The following PATE1 variants were observed in gnomAD, a reference collection of about 807,000 sequenced individuals.
The protein encoded by PATE1 is prostate and testis expressed 1.
PATE1 carries 21 observed loss-of-function variants against 13.1 expected under a neutral mutation model. That is an observed-to-expected ratio of 1.61 (90% confidence interval 1.14 to 2.31). PATE1 has a LOEUF of 2.31. Among genes scored for constraint, PATE1 ranks in the 30% most tolerant of loss-of-function variants. The pLI, the probability that PATE1 is intolerant of heterozygous loss-of-function variation, is 0.00. For synonymous variants in PATE1, 52 were observed against 47.1 expected (o/e 1.10, Z -0.43); for missense variants, 166 against 147.2 (o/e 1.13, Z -0.66).
At position 125,747,808 on chromosome 11, in the gene PATE1, G is replaced by A; in HGVS notation, c.233G>A (p.Gly78Glu). The change falls in exon 4 of 5, where the codon GGA (glycine) becomes GAA (glutamate). Residue 78 changes from glycine to glutamate, a missense_variant. Physicochemically the swap from Gly to Glu is moderately conservative, Grantham distance 98 (BLOSUM62 -2). Transcript: ENST00000305738. ...TATTEEACMV[G>E]RMFKRDGNPW... The stretch of plus-strand genomic sequence containing the variant: ...ACAACAGAAGAGGCCTGCATGGTTG[G>A]AAGGATGTTCAAAAGTAAGTTGTGG... The A allele has an allele frequency of 6.2e-7, 1 of 1,613,840 alleles. No homozygotes were observed. The highest frequency in any genetic ancestry group is 8.5e-7 in the Non-Finnish European group (1 of 1,179,798).
chr11:125,748,033 C>G, intron 4 of PATE1: 1 of 633,210 alleles, frequency 1.6e-6, no homozygotes, highest in East Asian at 3.1e-5. Context: ...AAGGGATTAG[C>G]ATTTTGAGAA....
chr11:125,748,068 A>G, intron 4 of PATE1: 1 of 506,052 alleles, frequency 2.0e-6, no homozygotes, highest in Non-Finnish European at 3.5e-6. Flanking sequence ...GAGGAGAATA[A>G]ATCAAGGTAA....
chr11:125,748,712 C>T lies in PATE1; in HGVS notation c.360C>T (p.Asp120=), dbSNP rs201415841. Residue 120 remains aspartate, a synonymous_variant, in exon 5 of 5, where the codon GAC becomes GAT. Transcript: ENST00000305738. ...ACTTCAGGTGCTGCAGGAGCCATGA[C>T]CTGTGCAATGAAGACCTTTAGAAGT... The part of the protein sequence containing the change: ...LVNFRCCRSH[D]LCNEDL 8.1e-6 allele frequency: 13 copies of T among 1,613,788 alleles called. No homozygotes were observed. The Admixed American group carries it at 1.3e-4, about 17-fold the overall frequency.
Position 125,748,829 on chromosome 11 carries a change from CA to C in PATE1, c.*97del. The C allele has an allele frequency of 2.3e-5, 33 of 1,429,676 alleles. No homozygotes were observed. Among genetic ancestry groups the C allele is most frequent in the Non-Finnish European group, 3.0e-5 (31 of 1,048,310 alleles). The allele number at this position is 1,429,676 out of a possible 1,614,324, so 88.6% of individuals were successfully genotyped here. ...CTAAAAAAAATCACACACACACACA[CA>C]CACACTACAGAAGAGGATTGCAAAC... On this transcript the variant is annotated 3_prime_UTR_variant, in exon 5 of 5. Transcript: ENST00000305738.
In PATE1 at chr11:125,748,880, A is replaced by G; in HGVS notation, c.*147A>G. On this transcript the variant is annotated 3_prime_UTR_variant, in exon 5 of 5. Coordinates refer to ENST00000305738, the MANE Select transcript of PATE1 (RefSeq NM_138294.3). ...CACATGGCTCCATCTTCTGCACACG[A>G]AAGGAAAGTCCCTCTCCTTTTCTAC... 1 of 978,142 alleles carries G rather than the reference A, an allele frequency of 1.0e-6. No homozygotes were observed. Among genetic ancestry groups the G allele is most frequent in the East Asian group, 2.6e-5 (1 of 39,180 alleles). 60.6% of individuals were successfully genotyped at this position (978,142 alleles called of 1,614,324 possible). A position where few individuals can be genotyped will look rare whatever the true frequency, so the allele number is the denominator to read the frequency against.
chr11:125,747,773 A>G lies in PATE1; in HGVS notation c.198A>G (p.Ile66Met). Residue 66 changes from isoleucine (I) to methionine (M), a missense_variant, in exon 4 of 5, where the codon ATA (isoleucine) becomes ATG (methionine). Transcript: ENST00000305738. ...PGEKCSRGRG[I>M]CTATTEEACM... ...AAAAGTGCTCCAGAGGAAGAGGAAT[A>G]TGCACAGCAACAACAGAAGAGGCCT... The G allele has an allele frequency of 6.2e-7, 1 of 1,613,994 alleles. No individual in the cohort carries two copies. The highest frequency in any genetic ancestry group is 8.5e-7 in the Non-Finnish European group (1 of 1,179,876).
intron 2 of PATE1, 76 bp downstream of exon 2, chr11:125,746,772 C>T (rs1943275894): frequency 1.3e-6 from 2 of 1,538,294 alleles, no homozygotes; most frequent in Non-Finnish European, 9.0e-7. Context: ...AGGTGAGCAC[C>T]AGGGGCCAAA....
chr11:125,748,125 G>C, intron 4 of PATE1: 1 of 362,538 alleles, frequency 2.8e-6, no homozygotes, highest in Non-Finnish European at 5.1e-6. Context: ...GTGTTGTTGA[G>C]TTGTGGAGGG....
chr11:125,747,106 G>T (rs1238178254), intron 2 of PATE1, among the ~76,000 whole-genome samples: 7 of 152,148 alleles, frequency 4.6e-5, no homozygotes, highest in African/African-American at 1.7e-4. Context: ...AAAAGCAGGT[G>T]CACTTATCTT....
chr11:125,748,780 C>T lies in PATE1; in HGVS notation c.*47C>T, dbSNP rs768719129. ...CTCCAATTTCTGGGTGAGGTTGTTG[C>T]CTCAGCCTCTTCACAATGACTTTCT... is the stretch of plus-strand genomic sequence containing the variant. On this transcript the variant is annotated 3_prime_UTR_variant, in exon 5 of 5. Transcript: ENST00000305738. The T allele has an allele frequency of 1.9e-6, 3 of 1,598,582 alleles. No individual in the cohort carries two copies. The highest frequency in any genetic ancestry group is 1.4e-5 in the African/African-American group (1 of 73,752).
chr11:125,746,449 G>A, intron 1 of PATE1, 93 bp downstream of exon 1: 2 of 1,422,984 alleles, frequency 1.4e-6, no homozygotes, highest in South Asian at 2.3e-5. Flanking sequence ...GAGTCCTATG[G>A]CAACTGAAGC....
rs1170894080 is a variant in PATE1, at chr11:125,746,287, GC to G, written c.-15del. ...TCTCGAAGCTTCGTGCTGTAGCCTG[GC>G]CCTCCCTCTTTCCAAAATGGACAAG... On this transcript the variant is annotated 5_prime_UTR_variant, in exon 1 of 5. Transcript: ENST00000305738. The G allele has an allele frequency of 6.2e-7, 1 of 1,613,314 alleles. No homozygotes were observed. The highest frequency in any genetic ancestry group is 8.5e-7 in the Non-Finnish European group (1 of 1,179,470).
intron 2 of PATE1, 61 bp downstream of exon 2, chr11:125,746,757 G>T: frequency 5.7e-6 from 9 of 1,588,536 alleles, no homozygotes; most frequent in Non-Finnish European, 7.8e-6. Flanking sequence ...AAGATGAGTG[G>T]GGTGAGGTGA....
At chr11:125,747,897 G>A in intron 4 of PATE1, 75 bp downstream of exon 4, 1 of 1,589,274 alleles carries the variant, frequency 6.3e-7, no homozygotes, top group South Asian at 1.1e-5. Context: ...GGGGAAAGGA[G>A]AGATCTTACT....
Position 125,747,404 on chromosome 11 carries a change from T to A in PATE1, c.117T>A (p.Asn39Lys), listed in dbSNP as rs756277261. The A allele has an allele frequency of 2.5e-6, 4 of 1,612,538 alleles. No individual in the cohort carries two copies. In the Admixed American group the frequency reaches 5.0e-5, roughly 20 times the overall value. The change falls in exon 3 of 5, where the codon AAT becomes AAA. Residue 39 changes from asparagine to lysine, a missense_variant. Asn to Lys is a moderately conservative substitution (Grantham distance 94, BLOSUM62 0). Coordinates refer to ENST00000305738, the MANE Select transcript of PATE1 (RefSeq NM_138294.3). ...ATGAAATAGTTGCTGTGAAAAACAA[T>A]TTTCCTGGTAAGTATGAAGAGGACC... ...AVNEIVAVKNNFPVIEIVQCR... is the reference protein window; with the variant it reads ...AVNEIVAVKNKFPVIEIVQCR...
At chr11:125,746,808 G>C in intron 2 of PATE1, 112 bp downstream of exon 2, 2 of 1,080,852 alleles carry the variant, frequency 1.9e-6, no homozygotes, top group Non-Finnish European at 2.8e-6. Flanking sequence ...AATAGACCTT[G>C]AGTTCCAACA....
chr11:125,748,786 C>A lies in PATE1; in HGVS notation c.*53C>A. The A allele has an allele frequency of 6.3e-7, 1 of 1,589,056 alleles. No homozygotes were observed. The highest frequency in any genetic ancestry group is 8.6e-7 in the Non-Finnish European group (1 of 1,167,534). ...TTTCTGGGTGAGGTTGTTGCCTCAG[C>A]CTCTTCACAATGACTTTCTAAAAAA... On this transcript the variant is annotated 3_prime_UTR_variant, in exon 5 of 5. Transcript: ENST00000305738.
rs185485435 is a variant in PATE1, at chr11:125,748,904, A to G, written c.*171A>G. 3.0e-5 allele frequency: 22 copies of G among 733,990 alleles called. No homozygotes were observed. The East Asian group carries it at 5.0e-4, about 17-fold the overall frequency. 45.5% of individuals were successfully genotyped at this position (733,990 alleles called of 1,614,324 possible). A position where few individuals can be genotyped will look rare whatever the true frequency, so the allele number is the denominator to read the frequency against. ...GAAAGGAAAGTCCCTCTCCTTTTCT[A>G]CAGTCTCTGTCACGCCCCTTAAAAT... On this transcript the variant is annotated 3_prime_UTR_variant, in exon 5 of 5. Coordinates refer to ENST00000305738, the MANE Select transcript of PATE1 (RefSeq NM_138294.3).
chr11:125,746,651 T>A lies in PATE1; in HGVS notation c.53-10T>A. On this transcript the variant is annotated splice_polypyrimidine_tract_variant and intron_variant, in intron 1 of 4. Coordinates refer to ENST00000305738, the MANE Select transcript of PATE1 (RefSeq NM_138294.3). ...TCTGCAGACAGTGTATCTCTTTTTT[T>A]TTCCAACAGCATTATCTGGATCACT... 6.2e-7 allele frequency: 1 copy of A among 1,613,870 alleles called. No homozygotes were observed. Among genetic ancestry groups the A allele is most frequent in the Non-Finnish European group, 8.5e-7 (1 of 1,179,836 alleles).
Sources: gnomAD v4.1 joint callset for allele counts (sites outside exome capture counted in the v4.1 genomes callset) on GRCh38, gnomAD v4.1.1 for gene constraint, MANE v1.5 for transcripts, NCBI Gene and HGNC (gene_info 2026-07-23, HGNC 2026-07-21) for gene names.